The following CAMK1D variants were observed in gnomAD, a reference collection of about 807,000 sequenced individuals.
CAMK1D encodes calcium/calmodulin dependent protein kinase ID, also known as calcium/calmodulin-dependent protein kinase type 1D.
In CAMK1D, 9 loss-of-function variants were observed where a neutral mutation model predicts 47.7. That is an observed-to-expected ratio of 0.19 (90% CI 0.11 to 0.33). CAMK1D has a LOEUF of 0.33. Ranked by LOEUF, CAMK1D falls within the 10% of genes least tolerant of loss-of-function variation. The pLI is 1.00. For missense variants in CAMK1D, 291 were observed against 488.7 expected, an observed-to-expected ratio of 0.60 and a Z score of 3.81; for synonymous variants, 184 against 184.9, an observed-to-expected ratio of 0.99 and a Z score of 0.04.
At chr10:12,738,944 ACATT>A (rs1179021019) in intron 3 of CAMK1D, among the ~76,000 whole-genome samples, 1 of 152,066 alleles carries the variant, frequency 6.6e-6, no homozygotes, top group African/African-American at 2.4e-5. Context: ...TTGTAATATA[ACATT>A]CATTGAAAAG....
chr10:12,708,196 C>T (rs1833801329), intron 3 of CAMK1D, among the ~76,000 whole-genome samples: 1 of 152,186 alleles, frequency 6.6e-6, no homozygotes, highest in Non-Finnish European at 1.5e-5. Context: ...GCACCTCTTG[C>T]ACTCTGCCAC....
At chr10:12,711,554 C>G (rs1197508196) in intron 3 of CAMK1D, among the ~76,000 whole-genome samples, 3 of 152,162 alleles carry the variant, frequency 2.0e-5, no homozygotes, top group African/African-American at 4.8e-5. Context: ...AAATCATCTG[C>G]CAGGGTATTT....
intron 2 of CAMK1D, among the ~76,000 whole-genome samples, chr10:12,563,563 T>G (rs1248268484): frequency 6.6e-6 from 1 of 152,030 alleles, no homozygotes; most frequent in African/African-American, 2.4e-5. Flanking sequence ...TGGGCATCCT[T>G]TAGGCCAGTC....
At chr10:12,601,698 G>A (rs904298182) in intron 2 of CAMK1D, among the ~76,000 whole-genome samples, 6 of 152,100 alleles carry the variant, frequency 3.9e-5, no homozygotes, top group Admixed American at 6.6e-5. Context: ...TCCTGACTTC[G>A]TGATCCGCCC....
At chr10:12,525,259 C>T (rs1467963040) in intron 1 of CAMK1D, among the ~76,000 whole-genome samples, 1 of 152,138 alleles carries the variant, frequency 6.6e-6, no homozygotes, top group Non-Finnish European at 1.5e-5. Context: ...TAATCAGTAC[C>T]TAATGTCTTT....
chr10:12,604,707 G>A (rs1838399139), intron 2 of CAMK1D, among the ~76,000 whole-genome samples: 1 of 152,118 alleles, frequency 6.6e-6, no homozygotes, highest in Non-Finnish European at 1.5e-5. Flanking sequence ...TCCATCATCT[G>A]TCATGTGTCT....
intron 6 of CAMK1D, 94 bp from the exon 7 acceptor site, chr10:12,814,101 C>G: frequency 1.2e-6 from 1 of 824,396 alleles, no homozygotes; most frequent in Non-Finnish European, 2.0e-6. Context: ...ATTTTCTTAA[C>G]TCAGTTGGTA....
intron 1 of CAMK1D, among the ~76,000 whole-genome samples, chr10:12,503,741 G>A (rs1834778324): frequency 6.6e-6 from 1 of 152,144 alleles, no homozygotes; most frequent in Non-Finnish European, 1.5e-5. Context: ...TGATGATTGG[G>A]CCAACCTTTC....
At chr10:12,597,099 C>T (rs1008368864) in intron 2 of CAMK1D, among the ~76,000 whole-genome samples, 13 of 152,106 alleles carry the variant, frequency 8.5e-5, no homozygotes, top group African/African-American at 7.2e-5. Context: ...CAGCTCCTGC[C>T]GTGCAGGAGC....
intron 2 of CAMK1D, among the ~76,000 whole-genome samples, chr10:12,648,800 A>T (rs1217728911): frequency 6.6e-6 from 1 of 152,104 alleles, no homozygotes; most frequent in South Asian, 2.1e-4. Flanking sequence ...CACTTCAAAG[A>T]TCCTTTTTTA....
At position 12,761,115 on chromosome 10, in the gene CAMK1D, A is replaced by G. The variant is rs188335066; in HGVS notation, c.438+29A>G. ...AGGCCATCGCTCAGCAGCATCCTGC[A>G]GCCACTCTGCAGCCCGCAATGCACG... On this transcript the variant is annotated intron_variant, in intron 4 of 10. Coordinates refer to ENST00000619168, the MANE Select transcript of CAMK1D (RefSeq NM_153498.4). The G allele has an allele frequency of 3.0e-4, 489 of 1,608,200 alleles. 1 individual carries two copies. In the African/African-American group the frequency reaches 6.1e-3, roughly 20 times the overall value.
At chr10:12,392,741 T>C (rs1486397392) in intron 1 of CAMK1D, among the ~76,000 whole-genome samples, 1 of 152,162 alleles carries the variant, frequency 6.6e-6, no homozygotes, top group Non-Finnish European at 1.5e-5. Context: ...ACAATAGATC[T>C]CTCGAACTTT....
chr10:12,515,853 C>A (rs1217705098), intron 1 of CAMK1D, among the ~76,000 whole-genome samples: 1 of 151,872 alleles, frequency 6.6e-6, no homozygotes, highest in East Asian at 1.9e-4. Flanking sequence ...CCTTGTGATC[C>A]CCCTGCCTCG....
chr10:12,760,648 G>A (rs1836458272), intron 3 of CAMK1D: 1 of 240,542 alleles, frequency 4.2e-6, no homozygotes, highest in African/African-American at 2.2e-5. Context: ...TATTCAGGAA[G>A]GGTTTTTTTA....
rs180897101 is a variant in CAMK1D, at chr10:12,387,832, T to C, written c.92+37922T>C. Among the ~76,000 whole-genome samples the C allele has an allele frequency of 1.7e-3, 252 of 152,278 alleles. 4 individuals are homozygous for C. Among genetic ancestry groups the C allele is most frequent in the Non-Finnish European group, 2.6e-3 (179 of 68,026 alleles). On this transcript the variant is annotated intron_variant, in intron 1 of 10. Transcript: ENST00000619168. ...GTCATAATAATTGCTCAATAAATGCTAACTATCCTCTATCGGGATGTAAGT... is the reference window on the plus strand; with the variant it reads ...GTCATAATAATTGCTCAATAAATGCCAACTATCCTCTATCGGGATGTAAGT...
intron 2 of CAMK1D, among the ~76,000 whole-genome samples, chr10:12,558,133 G>T (rs977579687): frequency 1.3e-5 from 2 of 152,210 alleles, no homozygotes; most frequent in Non-Finnish European, 2.9e-5. Flanking sequence ...AGTTAGTTGT[G>T]ATCCCACAAC....
intron 2 of CAMK1D, among the ~76,000 whole-genome samples, chr10:12,615,704 C>G (rs922786563): frequency 2.1e-5 from 3 of 140,204 alleles, no homozygotes; most frequent in South Asian, 4.6e-4. Context: ...TTGTAGGTGT[C>G]TATAGATGTG....
chr10:12,634,113 T>C (rs1839451360), intron 2 of CAMK1D, among the ~76,000 whole-genome samples: 1 of 152,154 alleles, frequency 6.6e-6, no homozygotes, highest in African/African-American at 2.4e-5. Context: ...TGGCATCAGC[T>C]CACAGGAGTT....
At chr10:12,421,941 C>G (rs1033620831) in intron 1 of CAMK1D, among the ~76,000 whole-genome samples, 5 of 151,912 alleles carry the variant, frequency 3.3e-5, no homozygotes, top group African/African-American at 1.2e-4. Flanking sequence ...CTCAGCCTCC[C>G]GAGTAGCTGG....
Sources: allele counts gnomAD v4.1 joint callset (sites outside exome capture counted in the v4.1 genomes callset), GRCh38; gene constraint gnomAD v4.1.1; transcripts MANE v1.5; gene names NCBI Gene and HGNC (gene_info 2026-07-23, HGNC 2026-07-21).